The following MAP3K7CL variants were observed in gnomAD, a reference collection of about 807,000 sequenced individuals.
MAP3K7CL encodes the protein MAP3K7 C-terminal-like protein.
MAP3K7CL carries 16 observed loss-of-function variants against 18.6 expected under a neutral mutation model. The observed-to-expected ratio is 0.86, with a 90% CI of 0.58 to 1.31. The LOEUF (loss-of-function observed/expected upper bound fraction) is 1.31. Among genes scored for constraint, MAP3K7CL ranks in the 50% most tolerant of loss-of-function variants. MAP3K7CL has a pLI of 0.00. For synonymous variants in MAP3K7CL, 65 were observed against 66.8 expected, an observed-to-expected ratio of 0.97 and a Z score of 0.13; for missense variants, 163 against 174.4, an observed-to-expected ratio of 0.93 and a Z score of 0.37.
At chr21:29,169,244 A>G (rs969071838) in intron 4 of MAP3K7CL, among the ~76,000 whole-genome samples, 1 of 152,236 alleles carries the variant, frequency 6.6e-6, no homozygotes, top group African/African-American at 2.4e-5. Context: ...TTCCTCCTGC[A>G]CGGGTGCAGT....
In MAP3K7CL at chr21:29,175,142, G is replaced by GT. The variant is rs1261645273; in HGVS notation, c.*257dup. ...TCAGAATTCTTTTCCAAAGATATAT[G>GT]TTTTTTTCTTTTTTAGGAAGATATG... On this transcript the variant is annotated 3_prime_UTR_variant, in exon 5 of 5. Transcript: ENST00000399928. 4 of 335,070 alleles carry GT rather than the reference G, an allele frequency of 1.2e-5. No homozygotes were observed. In the East Asian group the frequency reaches 1.7e-4, roughly 14 times the overall value. 20.8% of individuals were successfully genotyped at this position (335,070 alleles called of 1,614,324 possible). A position where few individuals can be genotyped will look rare whatever the true frequency, so the allele number is the denominator to read the frequency against.
chr21:29,085,205 C>G (rs73192156), upstream of MAP3K7CL: 26,791 of 152,152 alleles, frequency 0.18, 2,649 homozygotes, highest in African/African-American at 0.27. Context: ...AATGTGCAAG[C>G]CAAGAGCAGT....
At chr21:29,103,019 C>T (rs1242634199) in intron 4 of MAP3K7CL, among the ~76,000 whole-genome samples, 1 of 152,320 alleles carries the variant, frequency 6.6e-6, no homozygotes, top group East Asian at 1.9e-4. Context: ...CCAGAACCAC[C>T]TAGCTAAGCT....
chr21:29,132,864 T>G (rs1477059872), intron 1 of MAP3K7CL, among the ~76,000 whole-genome samples: 1 of 152,146 alleles, frequency 6.6e-6, no homozygotes, highest in Non-Finnish European at 1.5e-5. Flanking sequence ...CACTCTCAGA[T>G]TAATAATTCA....
intron 2 of MAP3K7CL, among the ~76,000 whole-genome samples, chr21:29,140,271 A>T (rs1280077656): frequency 6.6e-6 from 1 of 152,204 alleles, no homozygotes; most frequent in East Asian, 1.9e-4. Flanking sequence ...CTGGTGTCAG[A>T]TGAAGAGTCT....
chr21:29,172,939 T>A (rs1232933700), intron 4 of MAP3K7CL, among the ~76,000 whole-genome samples: 1 of 151,702 alleles, frequency 6.6e-6, no homozygotes, highest in Admixed American at 6.6e-5. Context: ...CCTTTCTTCT[T>A]TTCATATTAT....
intron 4 of MAP3K7CL, among the ~76,000 whole-genome samples, chr21:29,122,798 T>C (rs1330734201): frequency 6.6e-6 from 1 of 152,150 alleles, no homozygotes; most frequent in Non-Finnish European, 1.5e-5. Flanking sequence ...GTTCTTACTT[T>C]GGGCCATGGG....
At chr21:29,104,531 C>A (rs533739814) in intron 4 of MAP3K7CL, among the ~76,000 whole-genome samples, 2 of 152,324 alleles carry the variant, frequency 1.3e-5, no homozygotes, top group South Asian at 4.1e-4. Flanking sequence ...TGCTAACCAG[C>A]CTTACGCACA....
intron 1 of MAP3K7CL, among the ~76,000 whole-genome samples, chr21:29,089,329 C>T (rs1568927985): frequency 6.6e-6 from 1 of 152,088 alleles, no homozygotes; most frequent in East Asian, 1.9e-4. Context: ...CCAAGATGGG[C>T]CTTACATTTG....
At chr21:29,081,552 C>CA (rs751626889), upstream of MAP3K7CL, among the ~76,000 whole-genome samples, 630 of 142,212 alleles carry the variant, frequency 4.4e-3, 5 homozygotes, top group East Asian at 0.013. Context: ...GACTCCGTCT[C>CA]AAAAAAAAAA....
At chr21:29,136,719 C>T (rs564662274) in intron 2 of MAP3K7CL, among the ~76,000 whole-genome samples, 1 of 152,174 alleles carries the variant, frequency 6.6e-6, no homozygotes. Flanking sequence ...CGGGGTTTCA[C>T]CTTGTTGGCC....
intron 4 of MAP3K7CL, among the ~76,000 whole-genome samples, chr21:29,164,781 G>A (rs1353172140): frequency 3.3e-5 from 5 of 152,038 alleles, no homozygotes; most frequent in Non-Finnish European, 5.9e-5. Context: ...GAAAAAGGTG[G>A]GAAGGACTTT....
intron 4 of MAP3K7CL, among the ~76,000 whole-genome samples, chr21:29,170,773 G>A (rs1412036930): frequency 1.3e-5 from 2 of 151,616 alleles, no homozygotes; most frequent in African/African-American, 4.9e-5. Flanking sequence ...CGAGTAGCTG[G>A]GATTACAGGC....
chr21:29,087,869 A>G (rs2085954746), intron 1 of MAP3K7CL, among the ~76,000 whole-genome samples: 1 of 152,128 alleles, frequency 6.6e-6, no homozygotes, highest in Admixed American at 6.5e-5. Context: ...CTGGGATTAC[A>G]GGTGTGAGCC....
chr21:29,159,876 C>T, intron 3 of MAP3K7CL, 65 bp from the exon 4 acceptor site: 1 of 1,306,002 alleles, frequency 7.7e-7, no homozygotes, highest in Non-Finnish European at 1.1e-6. Flanking sequence ...CATCAGCGAG[C>T]AAAATGGTTG....
intron 4 of MAP3K7CL, among the ~76,000 whole-genome samples, chr21:29,174,022 T>C (rs971063829): frequency 2.0e-5 from 3 of 152,250 alleles, no homozygotes; most frequent in Non-Finnish European, 4.4e-5. Context: ...TAATGTGTAT[T>C]TAAATCAATG....
At chr21:29,078,439 G>C (rs1159603197) in intron 1 of MAP3K7CL, among the ~76,000 whole-genome samples, 1 of 152,140 alleles carries the variant, frequency 6.6e-6, no homozygotes, top group Non-Finnish European at 1.5e-5. Context: ...AGAAAATAGA[G>C]GGGTCAGGAG....
chr21:29,149,016 G>A (rs771255755), intron 2 of MAP3K7CL, among the ~76,000 whole-genome samples, 173 bp from the exon 3 acceptor site: 5 of 152,110 alleles, frequency 3.3e-5, no homozygotes, highest in Admixed American at 1.3e-4. Flanking sequence ...AGCTCTCCAC[G>A]CATCTGTGTG....
chr21:29,143,429 CT>C (rs913726318), intron 2 of MAP3K7CL, among the ~76,000 whole-genome samples: 8 of 146,852 alleles, frequency 5.4e-5, no homozygotes, highest in African/African-American at 5.0e-5. Flanking sequence ...CTTTTTTTTT[CT>C]TTTTTTTTTG....
Sources: allele counts gnomAD v4.1 joint callset (sites outside exome capture counted in the v4.1 genomes callset), GRCh38; gene constraint gnomAD v4.1.1; transcripts MANE v1.5; gene names NCBI Gene and HGNC (gene_info 2026-07-23, HGNC 2026-07-21).